Variants in GPR15LG observed in about 807,000 individuals in gnomAD.
The protein encoded by GPR15LG is protein GPR15LG.
chr10:84,181,566 T>C, the GPR15LG span, among the ~76,000 whole-genome samples: 2 of 152,160 alleles, frequency 1.3e-5, no homozygotes, highest in African/African-American at 4.8e-5. Context: ...GGACTACAGA[T>C]GCGTGCCATC....
chr10:84,181,848 A>G, the GPR15LG span, among the ~76,000 whole-genome samples: 3 of 152,316 alleles, frequency 2.0e-5, no homozygotes, highest in Admixed American at 1.3e-4. Flanking sequence ...ATGGCTGTGA[A>G]GGCCCCACCA....
the GPR15LG span, among the ~76,000 whole-genome samples, chr10:84,184,507 C>T: frequency 3.3e-5 from 5 of 152,366 alleles, no homozygotes; most frequent in East Asian, 7.7e-4. Flanking sequence ...CCACGAAAAG[C>T]CCCTTCTGGG....
chr10:84,182,946 G>T, the GPR15LG span, among the ~76,000 whole-genome samples: 1 of 151,824 alleles, frequency 6.6e-6, no homozygotes, highest in Non-Finnish European at 1.5e-5. Context: ...GAAATGGTAA[G>T]TTATGGAATG....
chr10:84,174,520 G>A, the GPR15LG span, among the ~76,000 whole-genome samples: 2 of 128,204 alleles, frequency 1.6e-5, no homozygotes, highest in African/African-American at 5.9e-5. Flanking sequence ...TTGAGATGGA[G>A]TCTTGCTCTG....
chr10:84,176,227 T>C, the GPR15LG span, among the ~76,000 whole-genome samples: 2 of 152,188 alleles, frequency 1.3e-5, no homozygotes, highest in African/African-American at 4.8e-5. Context: ...AGGGGAGAAT[T>C]ATTATGTCAA....
chr10:84,176,485 A>T, the GPR15LG span: 5 of 1,612,670 alleles, frequency 3.1e-6, no homozygotes, highest in Non-Finnish European at 1.7e-6. Flanking sequence ...CTCAGGGAAG[A>T]GGCGTCCTGC....
the GPR15LG span, among the ~76,000 whole-genome samples, chr10:84,175,370 T>A: frequency 4.9e-3 from 743 of 152,336 alleles, 5 homozygotes; most frequent in Middle Eastern, 0.027. Flanking sequence ...CCCATAAAGT[T>A]TCCTATCCAT....
chr10:84,177,788 C>T, the GPR15LG span, among the ~76,000 whole-genome samples: 1 of 152,170 alleles, frequency 6.6e-6, no homozygotes, highest in Non-Finnish European at 1.5e-5. Flanking sequence ...TCCCCCAGGC[C>T]CCTGGTTCTG....
chr10:84,173,954 C>T, the GPR15LG span: 1 of 1,491,156 alleles, frequency 6.7e-7, no homozygotes. Flanking sequence ...GATCCCTGAG[C>T]AGGATTTCAG....
the GPR15LG span, among the ~76,000 whole-genome samples, chr10:84,183,413 C>G: frequency 1.2e-4 from 18 of 152,232 alleles, no homozygotes; most frequent in South Asian, 4.1e-4. Flanking sequence ...AAAGAATAAT[C>G]TCATGACCAT....
the GPR15LG span, among the ~76,000 whole-genome samples, chr10:84,174,533 A>T: frequency 8.1e-6 from 1 of 123,928 alleles, no homozygotes; most frequent in Non-Finnish European, 1.6e-5. Context: ...TTGCTCTGTC[A>T]CCCAGGCTGG....
At chr10:84,185,181 C>A in the GPR15LG span, 1 of 663,658 alleles carries the variant, frequency 1.5e-6, no homozygotes, top group Non-Finnish European at 1.9e-6. Flanking sequence ...CATTTAACTA[C>A]CAGCATCCAG....
At chr10:84,180,758 C>A in the GPR15LG span, among the ~76,000 whole-genome samples, 1 of 152,172 alleles carries the variant, frequency 6.6e-6, no homozygotes, top group Admixed American at 6.5e-5. Context: ...GAGGTTGTAG[C>A]GAGCTGAGAT....
At chr10:84,176,441 C>T in the GPR15LG span, 3 of 1,429,942 alleles carry the variant, frequency 2.1e-6, 1 homozygote, top group South Asian at 3.4e-5. Context: ...CAGACAAGCC[C>T]ACTAAAGACA....
At chr10:84,182,895 A>G in the GPR15LG span, among the ~76,000 whole-genome samples, 1 of 152,138 alleles carries the variant, frequency 6.6e-6, no homozygotes, top group African/African-American at 2.4e-5. Context: ...GGGTCAGGAA[A>G]TCATGTGTCT....
the GPR15LG span, chr10:84,173,923 T>C: frequency 7.5e-6 from 12 of 1,609,946 alleles, no homozygotes; most frequent in African/African-American, 1.5e-4. Context: ...CCACAGAAGG[T>C]AGGGCAGCCC....
chr10:84,183,939 C>T, the GPR15LG span, among the ~76,000 whole-genome samples: 1 of 152,152 alleles, frequency 6.6e-6, no homozygotes, highest in Non-Finnish European at 1.5e-5. Context: ...AGCCACTACA[C>T]CTGGCCAAAT....
the GPR15LG span, among the ~76,000 whole-genome samples, chr10:84,180,371 C>A: frequency 6.6e-6 from 1 of 152,238 alleles, no homozygotes; most frequent in Non-Finnish European, 1.5e-5. Context: ...GTCATCATGG[C>A]CTGTTCTCAA....
the GPR15LG span, among the ~76,000 whole-genome samples, chr10:84,181,530 A>G: frequency 6.6e-6 from 1 of 152,128 alleles, no homozygotes; most frequent in Non-Finnish European, 1.5e-5. Context: ...GGCTCAAGTG[A>G]TCCGCTTCAG....
Sources: allele counts gnomAD v4.1 joint callset (sites outside exome capture counted in the v4.1 genomes callset), GRCh38; gene constraint gnomAD v4.1.1; transcripts MANE v1.5; gene names NCBI Gene and HGNC (gene_info 2026-07-23, HGNC 2026-07-21).